Variants in KIF1A observed in about 807,000 individuals in gnomAD.
The protein encoded by KIF1A is kinesin-like protein KIF1A.
Under a neutral mutation model 227.3 loss-of-function variants are expected in KIF1A, and 46 were observed. The ratio of observed to expected loss-of-function variants is 0.20; its 90% CI spans 0.16 to 0.26. The LOEUF (loss-of-function observed/expected upper bound fraction) is 0.26. Among genes scored for constraint, KIF1A ranks in the 10% least tolerant of loss-of-function variants. KIF1A has a pLI of 1.00. For missense variants in KIF1A, 1,683 were observed against 2,485.9 expected, an observed-to-expected ratio of 0.68 and a Z score of 6.87; for synonymous variants, 1,022 against 1,012.8, an observed-to-expected ratio of 1.01 and a Z score of -0.17.
At position 240,793,325 on chromosome 2, in the gene KIF1A, C is replaced by T. The variant is rs1425146619; in HGVS notation, c.107-4013G>A. ...ACCTCAGGGAGTACCCAGCACCACC[C>T]CTCACTACTGCACAGGTGGGGAAAC... On this transcript the variant is annotated intron_variant, in intron 2 of 48. Transcript: ENST00000498729. This position sits in a 1 kb window ranked among gnomAD's most constrained non-coding sequence, Gnocchi z 4.8. 6.6e-6 allele frequency among the ~76,000 whole-genome samples: 1 copy of T among 152,210 alleles called. No individual in the cohort carries two copies. Among genetic ancestry groups the T allele is most frequent in the Non-Finnish European group, 1.5e-5 (1 of 68,032 alleles).
chr2:240,812,604 C>T (rs1384685038), intron 1 of KIF1A, among the ~76,000 whole-genome samples: 2 of 150,734 alleles, frequency 1.3e-5, no homozygotes, highest in Non-Finnish European at 3.0e-5. Flanking sequence ...ACCTCAGGAT[C>T]TGCCTTCACC....
At chr2:240,811,027 C>T (rs6708561) in intron 1 of KIF1A, among the ~76,000 whole-genome samples, 39,665 of 152,090 alleles carry the variant, frequency 0.26, 6,019 homozygotes, top group African/African-American at 0.42. Flanking sequence ...TTCTGTATTC[C>T]TTGTTGTATA....
In KIF1A at chr2:240,775,442, G is replaced by A. The variant is rs1032141076; in HGVS notation, c.958+409C>T. Among the ~76,000 whole-genome samples the A allele has an allele frequency of 2.6e-5, 4 of 152,208 alleles. No individual in the cohort carries two copies. Among genetic ancestry groups the A allele is most frequent in the African/African-American group, 9.6e-5 (4 of 41,462 alleles). ...AGTCTCACTGCTCAGAACTCAGACGGAGAAGAGGAGGTTTATGGCAGCCCC... is the reference window on the plus strand; with the variant it reads ...AGTCTCACTGCTCAGAACTCAGACGAAGAAGAGGAGGTTTATGGCAGCCCC... On this transcript the variant is annotated intron_variant, in intron 11 of 48. Coordinates refer to ENST00000498729, the MANE Select transcript of KIF1A (RefSeq NM_001244008.2). The surrounding 1 kb of genome is among the most constrained non-coding windows in gnomAD (Gnocchi z 5.5).
At chr2:240,772,626 G>T in intron 13 of KIF1A, 30 bp from the exon 14 acceptor site, 2 of 1,509,634 alleles carry the variant, frequency 1.3e-6, no homozygotes, top group Non-Finnish European at 1.8e-6. Flanking sequence ...GGGGGAGGGG[G>T]AGAGACAGAG....
Position 240,720,928 on chromosome 2 carries a change from A to T in KIF1A, c.4854T>A (p.Gly1618=), listed in dbSNP as rs967325160. ...AGCTCACTCACCTCAGGTCAGTGGCACCGTACCGCCCTTCAACCAGAGAGG... is the reference window on the plus strand; with the variant it reads ...AGCTCACTCACCTCAGGTCAGTGGCTCCGTACCGCCCTTCAACCAGAGAGG... ...TCPSLVEGRY[G]ATDLRTPQPC... The change falls in exon 45 of 49, where the codon GGT becomes GGA. Residue 1618 remains glycine (G), a synonymous_variant. Coordinates refer to ENST00000498729, the MANE Select transcript of KIF1A (RefSeq NM_001244008.2). 1 of 1,577,204 alleles carries T rather than the reference A, an allele frequency of 6.3e-7. No homozygotes were observed. Among genetic ancestry groups the T allele is most frequent in the African/African-American group, 1.3e-5 (1 of 74,248 alleles).
intron 19 of KIF1A, among the ~76,000 whole-genome samples, 191 bp from the exon 20 acceptor site, chr2:240,765,984 C>G (rs1199149279): frequency 6.6e-6 from 1 of 152,236 alleles, no homozygotes; most frequent in Non-Finnish European, 1.5e-5. Context: ...CCCCACTTAA[C>G]AGAGGAAGAA....
At chr2:240,780,593 C>T (rs1487652324) in intron 10 of KIF1A, among the ~76,000 whole-genome samples, 3 of 151,974 alleles carry the variant, frequency 2.0e-5, no homozygotes, top group Admixed American at 6.6e-5. Context: ...GTGGCACACA[C>T]GTCCTGTCCC....
intron 25 of KIF1A, among the ~76,000 whole-genome samples, chr2:240,760,399 C>T (rs962887481): frequency 3.3e-5 from 5 of 152,264 alleles, no homozygotes; most frequent in African/African-American, 1.2e-4. Context: ...GCCTAGGGAG[C>T]ATTCCCCTCA....
At chr2:240,798,858 T>C (rs1262492747) in intron 1 of KIF1A, among the ~76,000 whole-genome samples, 4 of 151,976 alleles carry the variant, frequency 2.6e-5, no homozygotes, top group Admixed American at 2.6e-4. Flanking sequence ...ACACGAGAGG[T>C]TTTCGCCAAT....
Position 240,713,996 on chromosome 2 carries a change from G to T in KIF1A, c.*3368C>A. The T allele has an allele frequency of 6.5e-6, 1 of 153,126 alleles. No individual in the cohort carries two copies. Among genetic ancestry groups the T allele is most frequent in the Non-Finnish European group, 1.5e-5 (1 of 68,394 alleles). The allele number at this position is 153,126 out of a possible 1,614,324, so 9.5% of individuals were successfully genotyped here. The stretch of plus-strand genomic sequence containing the variant: ...GGAACCAGGGGACGGACTAACTACA[G>T]GAAGCACAGGCCCAGGGAGAAACGC... On this transcript the variant is annotated 3_prime_UTR_variant, in exon 49 of 49. Transcript: ENST00000498729.
intron 20 of KIF1A, among the ~76,000 whole-genome samples, 192 bp downstream of exon 20, chr2:240,765,518 T>C (rs374248864): frequency 1.3e-5 from 2 of 152,228 alleles, no homozygotes; most frequent in East Asian, 1.9e-4. Flanking sequence ...TAGTGCTGTG[T>C]TCCTGGAGTT....
intron 22 of KIF1A, 89 bp from the exon 23 acceptor site, chr2:240,762,901 C>T: frequency 7.0e-7 from 1 of 1,419,856 alleles, no homozygotes; most frequent in Non-Finnish European, 9.6e-7. Context: ...CACCACATCC[C>T]ACTGTTTAGA....
At chr2:240,759,277 C>T (rs1385842596) in intron 25 of KIF1A, among the ~76,000 whole-genome samples, 1 of 151,978 alleles carries the variant, frequency 6.6e-6, no homozygotes, top group Non-Finnish European at 1.5e-5. Flanking sequence ...GAGGGCTGCC[C>T]AGGTCCTGAT....
intron 48 of KIF1A, 32 bp downstream of exon 48, chr2:240,718,018 T>A (rs773864427): frequency 2.1e-6 from 3 of 1,447,380 alleles, no homozygotes; most frequent in Non-Finnish European, 1.9e-6. Context: ...AGGACCCCCA[T>A]GGCAGCAACC....
rs12472405 is a variant in KIF1A, at chr2:240,739,751, C to T, written c.3901+307G>A. ...TCTTGCCGGCACCTTGATTTTGGACCTCTGGCCTCCAGAAGTGTGAGATGA... is the reference window on the plus strand; with the variant it reads ...TCTTGCCGGCACCTTGATTTTGGACTTCTGGCCTCCAGAAGTGTGAGATGA... On this transcript the variant is annotated intron_variant, in intron 37 of 48. Coordinates refer to ENST00000498729, the MANE Select transcript of KIF1A (RefSeq NM_001244008.2). The surrounding 1 kb of genome is among the most constrained non-coding windows in gnomAD (Gnocchi z 5.6). 0.23 allele frequency among the ~76,000 whole-genome samples: 34,852 copies of T among 152,040 alleles called. 4,278 individuals carry two copies. The highest frequency in any genetic ancestry group is 0.27 in the Non-Finnish European group (18,616 of 67,958).
At chr2:240,746,001 A>G (rs1207762938) in intron 30 of KIF1A, 38 bp downstream of exon 30, 14 of 1,603,658 alleles carry the variant, frequency 8.7e-6, no homozygotes, top group Non-Finnish European at 1.2e-5. Flanking sequence ...AGGTCTCAGC[A>G]TCCCCTACGC....
intron 40 of KIF1A, 200 bp from the exon 41 acceptor site, chr2:240,724,236 T>G: frequency 1.6e-6 from 1 of 613,222 alleles, no homozygotes; most frequent in Non-Finnish European, 3.0e-6. Flanking sequence ...AAAGATGCAT[T>G]GGCTGGTCTT....
rs901485293 is a variant in KIF1A, at chr2:240,743,946, G to A, written c.3580C>T (p.Leu1194Phe). The part of the protein sequence containing the change: ...HPFPPLCKDV[L>F]SPLRPSRRHF... ...CCCCCGACCCAGGGCGCTAACCTGA[G>A]CACGTCCTTGCAGAGGGGCGGGAAC... Residue 1194 changes from leucine to phenylalanine, a missense_variant, in exon 33 of 49, where the codon CTC (leucine) becomes TTC (phenylalanine). Transcript: ENST00000498729. 1.9e-6 allele frequency: 3 copies of A among 1,609,978 alleles called. No homozygotes were observed. In the African/African-American group the frequency reaches 4.0e-5, roughly 22 times the overall value.
At chr2:240,760,546 G>C in intron 25 of KIF1A, 119 bp downstream of exon 25, 2 of 653,778 alleles carry the variant, frequency 3.1e-6, no homozygotes, top group Non-Finnish European at 4.7e-6. Flanking sequence ...ATTGGAACAG[G>C]AGGAACAGCG....
Sources: gnomAD v4.1 joint callset for allele counts (sites outside exome capture counted in the v4.1 genomes callset) on GRCh38, gnomAD v4.1.1 for gene constraint, Gnocchi (gnomAD v3.1) non-coding constraint, MANE v1.5 for transcripts, NCBI Gene and HGNC (gene_info 2026-07-23, HGNC 2026-07-21) for gene names.